Variants in RIPK1 observed in about 807,000 individuals in gnomAD.
RIPK1 encodes receptor interacting serine/threonine kinase 1, also known as receptor-interacting serine/threonine-protein kinase 1.
RIPK1 carries 27 observed loss-of-function variants against 62.4 expected under a neutral mutation model. The observed-to-expected ratio is 0.43, with a 90% CI of 0.32 to 0.60. The LOEUF is 0.60. RIPK1 is among the 20% of genes least tolerant of loss of function. The probability of loss-of-function intolerance (pLI) is 0.07; values close to 1 mark genes in which losing one functional copy is unlikely to be tolerated. For missense variants in RIPK1, 735 were observed against 831.0 expected, an observed-to-expected ratio of 0.88 and a Z score of 1.42; for synonymous variants, 287 against 303.2, an observed-to-expected ratio of 0.95 and a Z score of 0.55.
intron 4 of RIPK1, 27 bp from the exon 5 acceptor site, chr6:3,083,058 A>C: frequency 6.2e-7 from 1 of 1,609,000 alleles, no homozygotes; most frequent in Non-Finnish European, 8.5e-7. Context: ...TCACCAAACA[A>C]TCCCAGTGGC....
At chr6:3,098,206 A>G (rs1760413591) in intron 7 of RIPK1, among the ~76,000 whole-genome samples, 1 of 152,240 alleles carries the variant, frequency 6.6e-6, no homozygotes, top group Non-Finnish European at 1.5e-5. Flanking sequence ...TAAACCAGTC[A>G]CAGAATGGGA....
At chr6:3,111,437 C>T (rs1041661647) in intron 10 of RIPK1, among the ~76,000 whole-genome samples, 2 of 151,744 alleles carry the variant, frequency 1.3e-5, no homozygotes, top group African/African-American at 4.8e-5. Flanking sequence ...TCCCAAAGTA[C>T]AGTCTGGAAA....
At position 3,072,504 on chromosome 6, in the gene RIPK1, T is replaced by C. The variant is rs758288954; in HGVS notation, c.-61+3843T>C. Among the ~76,000 whole-genome samples the C allele has an allele frequency of 3.3e-5, 5 of 152,170 alleles. No individual in the cohort carries two copies. Among genetic ancestry groups the C allele is most frequent in the Non-Finnish European group, 5.9e-5 (4 of 68,026 alleles). ...TCTGTTAGGAGTGTGCCGTAATTCA[T>C]TTAACAATATTTTTATTTTTATTTT... On this transcript the variant is annotated intron_variant, in intron 1 of 10. Transcript: ENST00000259808. This position sits in a 1 kb window ranked among gnomAD's most constrained non-coding sequence, Gnocchi z 5.6.
intron 8 of RIPK1, among the ~76,000 whole-genome samples, 154 bp downstream of exon 8, chr6:3,104,469 C>T (rs1760734652): frequency 6.6e-6 from 1 of 152,152 alleles, no homozygotes; most frequent in Admixed American, 6.5e-5. Flanking sequence ...ATTCGAGAGT[C>T]AAGTTACATG....
intron 1 of RIPK1, among the ~76,000 whole-genome samples, chr6:3,073,645 A>G (rs543289567): frequency 6.6e-6 from 1 of 152,260 alleles, no homozygotes; most frequent in South Asian, 2.1e-4. Context: ...CTAGGAAAGA[A>G]GGCCCATAGG....
At chr6:3,077,961 A>C in intron 3 of RIPK1, 26 bp downstream of exon 3, 1 of 1,611,132 alleles carries the variant, frequency 6.2e-7, no homozygotes, top group Non-Finnish European at 8.5e-7. Flanking sequence ...CCGCACGGGG[A>C]TCCCCAGCGC....
intron 7 of RIPK1, 137 bp downstream of exon 7, chr6:3,089,794 T>C: frequency 3.3e-6 from 2 of 606,840 alleles, no homozygotes; most frequent in East Asian, 2.7e-5. Context: ...AAATGAGCAA[T>C]TGTCTGCACA....
upstream of RIPK1, among the ~76,000 whole-genome samples, chr6:3,065,536 TGGGGGAGGA>T (rs1758345777): frequency 7.4e-6 from 1 of 135,060 alleles, no homozygotes; most frequent in South Asian, 2.4e-4. Context: ...GAGATGGGTG[TGGGGGAGGA>T]GGGGGAGATG....
intron 6 of RIPK1, among the ~76,000 whole-genome samples, chr6:3,089,350 A>G (rs887706631): frequency 6.6e-6 from 1 of 152,216 alleles, no homozygotes; most frequent in Non-Finnish European, 1.5e-5. Context: ...TAAAAAGCAC[A>G]AAGAGCACAG....
intron 4 of RIPK1, among the ~76,000 whole-genome samples, chr6:3,082,846 G>A (rs1281261869): frequency 6.6e-6 from 1 of 152,194 alleles, no homozygotes; most frequent in Admixed American, 6.5e-5. Flanking sequence ...TACTGCATAA[G>A]GAATACGATA....
In RIPK1 at chr6:3,105,899, G is replaced by A. The variant is rs1427153242; in HGVS notation, c.1424G>A (p.Gly475Glu). The A allele has an allele frequency of 1.2e-6, 2 of 1,614,008 alleles. No homozygotes were observed. The highest frequency in any genetic ancestry group is 1.7e-5 in the Admixed American group (1 of 59,998). Residue 475 changes from glycine to glutamate, a missense_variant, in exon 9 of 11, where the codon GGA becomes GAA. Coordinates refer to ENST00000259808, the MANE Select transcript of RIPK1 (RefSeq NM_001354930.2). The surrounding 1 kb of genome is among the most constrained non-coding windows in gnomAD (Gnocchi z 4.5). Reference protein sequence around the residue: ...NNGLYSSHGFGTRPLDPGTAG... With the variant: ...NNGLYSSHGFETRPLDPGTAG... ...GGATTATATAGCTCACATGGCTTTGGAACAAGACCACTGGATCCAGGAACA... is the reference window on the plus strand; with the variant it reads ...GGATTATATAGCTCACATGGCTTTGAAACAAGACCACTGGATCCAGGAACA...
In RIPK1 at chr6:3,105,360, A is replaced by G. The variant is rs1184104473; in HGVS notation, c.1007-122A>G. ...GAGGACCATCTCCTAAATGCTTTGG[A>G]CTGGTCTCGTACTTGTTTTCTGTGT... On this transcript the variant is annotated intron_variant, in intron 8 of 10. Transcript: ENST00000259808. This position sits in a 1 kb window ranked among gnomAD's most constrained non-coding sequence, Gnocchi z 4.5. The G allele has an allele frequency of 2.7e-6, 2 of 734,222 alleles. No homozygotes were observed. Among genetic ancestry groups the G allele is most frequent in the Non-Finnish European group, 4.6e-6 (2 of 434,816 alleles). 45.5% of individuals were successfully genotyped at this position (734,222 alleles called of 1,614,324 possible).
At chr6:3,094,235 C>T (rs1239984054) in intron 7 of RIPK1, among the ~76,000 whole-genome samples, 1 of 152,008 alleles carries the variant, frequency 6.6e-6, no homozygotes. Flanking sequence ...AACTGCAGTG[C>T]ACCTACCTTT....
chr6:3,098,654 C>T (rs538228839), intron 7 of RIPK1, among the ~76,000 whole-genome samples: 1 of 152,280 alleles, frequency 6.6e-6, no homozygotes, highest in South Asian at 2.1e-4. Flanking sequence ...ACAAAGATAG[C>T]TAAGAAAATT....
intron 9 of RIPK1, among the ~76,000 whole-genome samples, chr6:3,106,892 A>G (rs1760877637): frequency 6.6e-6 from 1 of 152,190 alleles, no homozygotes. Context: ...TTGGGGATAA[A>G]ATTTTTTATT....
intron 5 of RIPK1, among the ~76,000 whole-genome samples, chr6:3,083,556 A>G (rs960629714): frequency 1.3e-5 from 2 of 152,238 alleles, no homozygotes; most frequent in Non-Finnish European, 2.9e-5. Context: ...AGCCTTTCAC[A>G]CTACAAGGCA....
chr6:3,111,963 G>A (rs1761182754), intron 10 of RIPK1, among the ~76,000 whole-genome samples: 1 of 152,166 alleles, frequency 6.6e-6, no homozygotes, highest in Non-Finnish European at 1.5e-5. Context: ...AGAATGAAAT[G>A]TTTTCTTCCT....
At chr6:3,085,927 C>A (rs1301915799) in intron 6 of RIPK1, among the ~76,000 whole-genome samples, 2 of 152,236 alleles carry the variant, frequency 1.3e-5, no homozygotes, top group African/African-American at 2.4e-5. Context: ...GAATTTCTTT[C>A]CTTTTCAAGG....
intron 10 of RIPK1, among the ~76,000 whole-genome samples, chr6:3,111,157 T>C (rs1010177601): frequency 4.6e-5 from 7 of 152,244 alleles, no homozygotes; most frequent in Non-Finnish European, 1.0e-4. Context: ...CAGTATTTAA[T>C]TTATGGATTT....
Sources: allele counts gnomAD v4.1 joint callset (sites outside exome capture counted in the v4.1 genomes callset), GRCh38; gene constraint gnomAD v4.1.1; non-coding constraint Gnocchi (gnomAD v3.1); transcripts MANE v1.5; gene names NCBI Gene and HGNC (gene_info 2026-07-23, HGNC 2026-07-21).